The following FAM228B variants were observed in gnomAD, a reference collection of about 807,000 sequenced individuals.
The protein encoded by FAM228B is family with sequence similarity 228 member B.
A neutral mutation model predicts 42.6 loss-of-function variants in FAM228B; 38 were observed. That is an observed-to-expected ratio of 0.89 (90% CI 0.69 to 1.17). FAM228B has a LOEUF of 1.17. Ranked by LOEUF, FAM228B falls within the 50% of genes most tolerant of loss-of-function variation. The probability of loss-of-function intolerance (pLI) is 0.00; values close to 1 mark genes in which losing one functional copy is unlikely to be tolerated. For missense variants in FAM228B, 344 were observed against 367.3 expected, an observed-to-expected ratio of 0.94 and a Z score of 0.52; for synonymous variants, 109 against 122.3, an observed-to-expected ratio of 0.89 and a Z score of 0.72.
At chr2:24,140,444 T>G (rs1402853904) in intron 5 of FAM228B, among the ~76,000 whole-genome samples, 2 of 152,150 alleles carry the variant, frequency 1.3e-5, no homozygotes, top group Non-Finnish European at 2.9e-5. Context: ...CCCAAAGTGC[T>G]GGGATTACAG....
chr2:24,131,550 T>C (rs1030560014), intron 2 of FAM228B, among the ~76,000 whole-genome samples: 1 of 152,202 alleles, frequency 6.6e-6, no homozygotes, highest in Non-Finnish European at 1.5e-5. Context: ...TCACATCCCT[T>C]GTTAGCTATA....
intron 2 of FAM228B, among the ~76,000 whole-genome samples, chr2:24,128,790 ATTCT>A: frequency 6.6e-6 from 1 of 152,024 alleles, no homozygotes; most frequent in South Asian, 2.1e-4. Context: ...ACACAGCAGG[ATTCT>A]TTCAGGTCTT....
chr2:24,109,774 C>A (rs1443930073), intron 3 of FAM228B, among the ~76,000 whole-genome samples: 1 of 152,026 alleles, frequency 6.6e-6, no homozygotes, highest in Non-Finnish European at 1.5e-5. Context: ...ATTAAAAAGT[C>A]AAAAAATAAT....
chr2:24,084,249 C>T lies in FAM228B; in HGVS notation c.-210+3294C>T, dbSNP rs776132443. On this transcript the variant is annotated intron_variant, in intron 2 of 10. Coordinates refer to the FAM228B transcript ENST00000613899. This position sits in a 1 kb window ranked among gnomAD's most constrained non-coding sequence, Gnocchi z 8.4. ...CCACCTTCAGGAGGACTTCACCCTC[C>T]CCCGGGCTCGGCTTGGCCACCTCCT... is the stretch of plus-strand genomic sequence containing the variant. The T allele has an allele frequency of 5.0e-6, 8 of 1,614,008 alleles. No individual in the cohort carries two copies. The highest frequency in any genetic ancestry group is 5.9e-6 in the Non-Finnish European group (7 of 1,180,004).
At chr2:24,157,394 A>G (rs1667173344) in intron 7 of FAM228B, among the ~76,000 whole-genome samples, 1 of 152,158 alleles carries the variant, frequency 6.6e-6, no homozygotes, top group Non-Finnish European at 1.5e-5. Context: ...TCAATTTTAT[A>G]GCAGTATTTT....
chr2:24,104,397 G>C (rs1665666221), intron 3 of FAM228B, among the ~76,000 whole-genome samples: 1 of 152,236 alleles, frequency 6.6e-6, no homozygotes, highest in Non-Finnish European at 1.5e-5. Flanking sequence ...CGAAGCCCCA[G>C]CAAAGGCTGC....
rs57620033 is a variant in FAM228B at position 24,094,029 on chromosome 2, CTTTTTTTTT to C, written c.-209-1092_-209-1084del. On this transcript the variant is annotated intron_variant, in intron 2 of 10. Transcript: ENST00000613899. ...TAGATCCCTGAGGAATCGCCACATA[CTTTTTTTTT>C]TTTTTTTTTTTTTTTTTTTAAGACA... Among the ~76,000 whole-genome samples, 104 of 77,394 alleles carry C rather than the reference CTTTTTTTTT, an allele frequency of 1.3e-3. 1 individual carries two copies. Among genetic ancestry groups the C allele is most frequent in the African/African-American group, 4.5e-3 (90 of 20,076 alleles). 50.8% of individuals were successfully genotyped at this position (77,394 alleles called of 152,430 possible).
intron 2 of FAM228B, among the ~76,000 whole-genome samples, chr2:24,086,234 C>CAAAAAA (rs57641176): frequency 1.4e-4 from 9 of 63,928 alleles, no homozygotes; most frequent in African/African-American, 4.2e-4. Flanking sequence ...GACTCCGTCT[C>CAAAAAA]AAAAAAAAAA....
At chr2:24,115,390 T>C (rs2151001847) in intron 3 of FAM228B, 8 of 586,750 alleles carry the variant, frequency 1.4e-5, no homozygotes, top group East Asian at 1.1e-4. Flanking sequence ...CCAACACTTA[T>C]TAAAAAACAG....
intron 10 of FAM228B, among the ~76,000 whole-genome samples, chr2:24,168,680 T>C (rs1332771852): frequency 6.6e-6 from 1 of 152,134 alleles, no homozygotes; most frequent in Middle Eastern, 3.2e-3. Flanking sequence ...GCGATATTGA[T>C]ATTATAACAT....
chr2:24,080,604 T>C lies in FAM228B; in HGVS notation c.-289-272T>C. On this transcript the variant is annotated intron_variant, in intron 1 of 10. Transcript: ENST00000613899. The surrounding 1 kb of genome is among the most constrained non-coding windows in gnomAD (Gnocchi z 4.7). Reference sequence around the variant, plus strand: ...TGGTCTAAAGTGTGGATGAATCTTATCTCTTGCAAGAATGCACATGGAAAC... The same window carrying C: ...TGGTCTAAAGTGTGGATGAATCTTACCTCTTGCAAGAATGCACATGGAAAC... 2 of 609,548 alleles carry C rather than the reference T, an allele frequency of 3.3e-6. No individual in the cohort carries two copies. The highest frequency in any genetic ancestry group is 5.9e-6 in the Non-Finnish European group (2 of 337,380). 37.8% of individuals were successfully genotyped at this position (609,548 alleles called of 1,614,324 possible). A position where few individuals can be genotyped will look rare whatever the true frequency, so the allele number is the denominator to read the frequency against.
chr2:24,168,587 A>T (rs953438515), intron 10 of FAM228B, among the ~76,000 whole-genome samples: 3 of 152,178 alleles, frequency 2.0e-5, no homozygotes, highest in African/African-American at 4.8e-5. Flanking sequence ...GGGGTGAGGA[A>T]GTGGAGACAG....
intron 2 of FAM228B, chr2:24,082,990 C>T: frequency 6.2e-7 from 1 of 1,614,190 alleles, no homozygotes; most frequent in Non-Finnish European, 8.5e-7. Context: ...CCTTCGGGGA[C>T]AGTGACGTAC....
At position 24,163,160 on chromosome 2, in the gene FAM228B, C is replaced by T. The variant is rs568634198; in HGVS notation, c.795-1038C>T. ...GAGCTTTTATGACTTTCTAGGAGAT[C>T]GGCTTACAATTCTCTGTTCCTAAAA... On this transcript the variant is annotated intron_variant, in intron 8 of 10. Transcript: ENST00000615575. Among the ~76,000 whole-genome samples, 117 of 152,314 alleles carry T rather than the reference C, an allele frequency of 7.7e-4. 5 individuals are homozygous for T. In the South Asian group the frequency reaches 0.023, roughly 30 times the overall value.
At chr2:24,106,343 C>CA (rs1358042964) in intron 3 of FAM228B, among the ~76,000 whole-genome samples, 1 of 98,916 alleles carries the variant, frequency 1.0e-5, no homozygotes, top group African/African-American at 3.9e-5. Context: ...TTTTTTGAGA[C>CA]AGAGTTTTGC....
In FAM228B at chr2:24,077,010, A is replaced by G; in HGVS notation, c.-290+41A>G. The G allele has an allele frequency of 7.3e-6, 1 of 137,004 alleles. No individual in the cohort carries two copies. Among genetic ancestry groups the G allele is most frequent in the South Asian group, 1.6e-4 (1 of 6,144 alleles). The allele number at this position is 137,004 out of a possible 1,614,324, so 8.5% of individuals were successfully genotyped here. A position where few individuals can be genotyped will look rare whatever the true frequency, so the allele number is the denominator to read the frequency against. On this transcript the variant is annotated intron_variant, in intron 1 of 10. Transcript: ENST00000613899. This position sits in a 1 kb window ranked among gnomAD's most constrained non-coding sequence, Gnocchi z 5.5. ...GATCGGGGCCTGAGGAGGGTGGTGG[A>G]GGTGCGGCGGGGCCCAGAAGTGTAG...
At chr2:24,158,358 A>C (rs991458989) in intron 7 of FAM228B, among the ~76,000 whole-genome samples, 4 of 151,924 alleles carry the variant, frequency 2.6e-5, no homozygotes, top group Non-Finnish European at 5.9e-5. Context: ...CATCGATCAC[A>C]CAGTTTGCAC....
At chr2:24,138,766 G>A (rs1436227729) in intron 4 of FAM228B, among the ~76,000 whole-genome samples, 1 of 151,512 alleles carries the variant, frequency 6.6e-6, no homozygotes, top group Non-Finnish European at 1.5e-5. Context: ...GACCAGCCTG[G>A]TGATACCCCG....
At chr2:24,161,677 C>T (rs955956464) in intron 8 of FAM228B, 64 bp downstream of exon 8, 2 of 996,570 alleles carry the variant, frequency 2.0e-6, no homozygotes, top group Non-Finnish European at 1.5e-6. Flanking sequence ...GCTGCCATCC[C>T]CTGCCATCCT....
Sources: gnomAD v4.1 joint callset for allele counts (sites outside exome capture counted in the v4.1 genomes callset) on GRCh38, gnomAD v4.1.1 for gene constraint, Gnocchi (gnomAD v3.1) non-coding constraint, MANE v1.5 for transcripts, NCBI Gene and HGNC (gene_info 2026-07-23, HGNC 2026-07-21) for gene names.